Variants in USPL1 observed in about 807,000 individuals in gnomAD.
The protein encoded by USPL1 is SUMO-specific isopeptidase USPL1.
Under a neutral mutation model 51.5 loss-of-function variants are expected in USPL1, and 27 were observed. The ratio of observed to expected loss-of-function variants is 0.52; its 90% CI spans 0.39 to 0.72. The LOEUF (loss-of-function observed/expected upper bound fraction) is 0.72. Ranked by LOEUF, USPL1 falls within the 30% of genes least tolerant of loss-of-function variation. The pLI is 0.00. For synonymous variants in USPL1, 451 were observed against 459.6 expected (o/e 0.98, Z 0.24); for missense variants, 1,226 against 1,268.0 (o/e 0.97, Z 0.50).
chr13:30,621,957 TG>T, intron 3 of USPL1, 65 bp downstream of exon 3: 1 of 1,177,472 alleles, frequency 8.5e-7, no homozygotes, highest in Non-Finnish European at 1.1e-6. Context: ...TTTTATTAAT[TG>T]TTTTAAAAGT....
In USPL1 at chr13:30,658,801, T is replaced by C. The variant is rs1365857283; in HGVS notation, c.2724T>C (p.Ser908=). Residue 908 remains serine (S), a synonymous_variant, in exon 9 of 9, where the codon TCT becomes TCC. Transcript: ENST00000255304. ...AEKKKLAALM[S]SPQSRTVRSE... ...AGAAGAAATTAGCTGCTCTTATGTC[T>C]TCCCCGCAAAGCAGAACAGTTCGAA... 1 of 1,614,038 alleles carries C rather than the reference T, an allele frequency of 6.2e-7. No individual in the cohort carries two copies. The highest frequency in any genetic ancestry group is 1.7e-5 in the Admixed American group (1 of 60,026).
intron 7 of USPL1, among the ~76,000 whole-genome samples, chr13:30,650,574 C>CAAAAAAAA (rs34074092): frequency 1.6e-5 from 2 of 123,210 alleles, no homozygotes; most frequent in African/African-American, 2.9e-5. Context: ...GAGACTGTCT[C>CAAAAAAAA]AAAAAAAAAA....
intron 4 of USPL1, among the ~76,000 whole-genome samples, chr13:30,637,437 T>C (rs1318936615): frequency 1.3e-5 from 2 of 152,206 alleles, no homozygotes; most frequent in African/African-American, 2.4e-5. Context: ...GAGGTAACTT[T>C]AGCTGTTTTA....
Position 30,658,577 on chromosome 13 carries a change from T to G in USPL1, c.2500T>G (p.Ser834Ala). The G allele has an allele frequency of 6.2e-7, 1 of 1,614,156 alleles. No individual in the cohort carries two copies. Among genetic ancestry groups the G allele is most frequent in the East Asian group, 2.2e-5 (1 of 44,888 alleles). Residue 834 changes from serine to alanine, a missense_variant, in exon 9 of 9, where the codon TCG (serine) becomes GCG (alanine). Physicochemically the swap from Ser to Ala is moderately conservative, Grantham distance 99. Transcript: ENST00000255304. ...PISKPPAGPP[S>A]SNGTAAHPHA... ...CAGTAAGCCACCAGCAGGCCCTCCATCGTCTAATGGCACAGCTGCCCACCC... is the reference window on the plus strand; with the variant it reads ...CAGTAAGCCACCAGCAGGCCCTCCAGCGTCTAATGGCACAGCTGCCCACCC...
chr13:30,639,193 G>T (rs1950913072), intron 5 of USPL1, among the ~76,000 whole-genome samples: 2 of 150,216 alleles, frequency 1.3e-5, no homozygotes, highest in South Asian at 4.2e-4. Context: ...TCCAGCCTGG[G>T]GACAGAGCGA....
intron 3 of USPL1, among the ~76,000 whole-genome samples, chr13:30,629,773 T>C (rs1950775768): frequency 6.6e-6 from 1 of 152,128 alleles, no homozygotes; most frequent in Non-Finnish European, 1.5e-5. Flanking sequence ...CCAGTGCTTA[T>C]CAGGCCTCTA....
Position 30,631,404 on chromosome 13 carries a change from C to G in USPL1, c.798C>G (p.Phe266Leu), listed in dbSNP as rs1484241089. The G allele has an allele frequency of 6.2e-7, 1 of 1,614,094 alleles. No individual in the cohort carries two copies. Among genetic ancestry groups the G allele is most frequent in the Non-Finnish European group, 8.5e-7 (1 of 1,180,040 alleles). Residue 266 changes from phenylalanine to leucine, a missense_variant, in exon 4 of 9, where the codon TTC becomes TTG. Transcript: ENST00000255304. ...TGTGCTCGAAGGAGGAATCTATATT[C>G]TGGCGGTTGCTTACAAAATATAATC... ...TGLCSKEESI[F>L]WRLLTKYNQA...
intron 7 of USPL1, among the ~76,000 whole-genome samples, chr13:30,650,569 T>TCC (rs1951076320): frequency 1.0e-5 from 1 of 95,652 alleles, no homozygotes; most frequent in African/African-American, 6.6e-5. Flanking sequence ...AGAGTGAGAC[T>TCC]GTCTCAAAAA....
At chr13:30,622,822 C>T (rs1271838363) in intron 3 of USPL1, among the ~76,000 whole-genome samples, 1 of 150,568 alleles carries the variant, frequency 6.6e-6, no homozygotes, top group Non-Finnish European at 1.5e-5. Flanking sequence ...TTAATAGATA[C>T]TTATGCTGGG....
Position 30,658,298 on chromosome 13 carries a change from T to C in USPL1, c.2221T>C (p.Ser741Pro), listed in dbSNP as rs1033921846. Residue 741 changes from serine (S) to proline (P), a missense_variant, in exon 9 of 9, where the codon TCA becomes CCA. Ser to Pro is a moderately conservative substitution (Grantham distance 74). Transcript: ENST00000255304. ...TADSQTTTSK[S>P]LQNQSLKENQ... ...AGATTCTCAAACCACAACATCTAAGTCATTACAGAATCAGTCTCTGAAAGA... is the reference window on the plus strand; with the variant it reads ...AGATTCTCAAACCACAACATCTAAGCCATTACAGAATCAGTCTCTGAAAGA... 12 of 1,613,856 alleles carry C rather than the reference T, an allele frequency of 7.4e-6. No individual in the cohort carries two copies. Among genetic ancestry groups the C allele is most frequent in the Non-Finnish European group, 1.0e-5 (12 of 1,180,030 alleles).
chr13:30,633,784 CAAAAAAAA>C (rs61682331), intron 4 of USPL1, among the ~76,000 whole-genome samples: 1 of 41,264 alleles, frequency 2.4e-5, no homozygotes, highest in Admixed American at 2.4e-4. Flanking sequence ...GACTCTGTCT[CAAAAAAAA>C]AAAAAAAAAA....
Position 30,658,857 on chromosome 13 carries a change from G to A in USPL1, c.2780G>A (p.Gly927Glu). ...SENLEQVPQD[G>E]SPNDCESIED... is the part of the protein sequence containing the mutation. ...AATCTAGAACAGGTGCCCCAGGATG[G>A]GTCTCCAAATGATTGTGAATCAATA... Residue 927 changes from glycine (G) to glutamate (E), a missense_variant, in exon 9 of 9, where the codon GGG becomes GAG. Transcript: ENST00000255304. 4 of 1,613,864 alleles carry A rather than the reference G, an allele frequency of 2.5e-6. No homozygotes were observed. Among genetic ancestry groups the A allele is most frequent in the Non-Finnish European group, 3.4e-6 (4 of 1,180,020 alleles).
At position 30,637,767 on chromosome 13, in the gene USPL1, T is replaced by C. The variant is rs1482458790; in HGVS notation, c.892T>C (p.Ser298Pro). ...VKDGDCKKLT[S>P]EIFAEIETCL... ...AGATGGAGATTGTAAAAAACTTACC[T>C]CAGAAATATTTGCAGAGATAGAGAC... Residue 298 changes from serine (S) to proline (P), a missense_variant, in exon 5 of 9, where the codon TCA becomes CCA. Coordinates refer to ENST00000255304, the MANE Select transcript of USPL1 (RefSeq NM_005800.5). 1.2e-6 allele frequency: 2 copies of C among 1,612,170 alleles called. No homozygotes were observed. The highest frequency in any genetic ancestry group is 1.3e-5 in the African/African-American group (1 of 74,806).
intron 6 of USPL1, among the ~76,000 whole-genome samples, chr13:30,644,408 G>T (rs1308875399): frequency 9.4e-6 from 1 of 106,040 alleles, no homozygotes; most frequent in African/African-American, 6.8e-5. Flanking sequence ...AGGCAACAAA[G>T]GTTTTGTTTT....
chr13:30,652,075 G>A (rs1435049152), intron 7 of USPL1, among the ~76,000 whole-genome samples: 1 of 152,158 alleles, frequency 6.6e-6, no homozygotes, highest in African/African-American at 2.4e-5. Context: ...ATTTTAACCT[G>A]TCTGAAATGG....
chr13:30,649,465 T>A (rs1020575285), intron 7 of USPL1, among the ~76,000 whole-genome samples: 48 of 152,232 alleles, frequency 3.2e-4, no homozygotes, highest in African/African-American at 1.1e-3. Context: ...TTATCTCACA[T>A]AACCCACATC....
At chr13:30,636,842 C>T (rs1448415439) in intron 4 of USPL1, among the ~76,000 whole-genome samples, 1 of 152,204 alleles carries the variant, frequency 6.6e-6, no homozygotes, top group Non-Finnish European at 1.5e-5. Flanking sequence ...AATGACCAGC[C>T]CAGGCAACAT....
intron 3 of USPL1, among the ~76,000 whole-genome samples, chr13:30,627,117 C>T (rs1340310920): frequency 6.6e-6 from 1 of 151,730 alleles, no homozygotes; most frequent in Admixed American, 6.6e-5. Context: ...AGGTTTTTTT[C>T]AGCATTGGAT....
In USPL1 at chr13:30,659,403, A is replaced by G. The variant is rs2137742373; in HGVS notation, c.*47A>G. ...TCATATAATATTTATTATTATTAGA[A>G]GAACTTACAATGTGTTCAGGTAGTG... On this transcript the variant is annotated 3_prime_UTR_variant, in exon 9 of 9. Transcript: ENST00000255304. 1.4e-6 allele frequency: 2 copies of G among 1,424,342 alleles called. No homozygotes were observed. The highest frequency in any genetic ancestry group is 1.5e-5 in the South Asian group (1 of 66,712). The allele number at this position is 1,424,342 out of a possible 1,614,324, so 88.2% of individuals were successfully genotyped here.
Sources: gnomAD v4.1 joint callset for allele counts (sites outside exome capture counted in the v4.1 genomes callset) on GRCh38, gnomAD v4.1.1 for gene constraint, MANE v1.5 for transcripts, NCBI Gene and HGNC (gene_info 2026-07-23, HGNC 2026-07-21) for gene names.